ARID4B: variants seen among roughly 807,000 people sequenced by gnomAD.
ARID4B encodes the protein AT-rich interaction domain 4B, also known as AT-rich interactive domain-containing protein 4B.
In ARID4B, 26 loss-of-function variants were observed where a neutral mutation model predicts 147.5. That is an observed-to-expected ratio of 0.18 (90% CI 0.13 to 0.24). ARID4B has a LOEUF of 0.24. Among genes scored for constraint, ARID4B ranks in the 10% least tolerant of loss-of-function variants. The probability of loss-of-function intolerance (pLI) is 1.00; values close to 1 mark genes in which losing one functional copy is unlikely to be tolerated. For missense variants in ARID4B, 1,179 were observed against 1,511.5 expected (o/e 0.78, Z 3.65); for synonymous variants, 512 against 507.9 (o/e 1.01, Z -0.11).
chr1:235,170,935 C>CCA (rs922245669), intron 23 of ARID4B, among the ~76,000 whole-genome samples: 4 of 132,598 alleles, frequency 3.0e-5, no homozygotes, highest in Admixed American at 7.4e-5. Context: ...AAAAAAAAAA[C>CCA]CACACACACA....
chr1:235,179,875 C>G (rs1664176474), intron 20 of ARID4B, among the ~76,000 whole-genome samples: 1 of 151,798 alleles, frequency 6.6e-6, no homozygotes, highest in Admixed American at 6.6e-5. Flanking sequence ...TAGAGACCAT[C>G]CTGGCTAACA....
At position 235,168,376 on chromosome 1, in the gene ARID4B, T is replaced by C. The variant is rs1410976394; in HGVS notation, c.*149A>G. On this transcript the variant is annotated 3_prime_UTR_variant, in exon 24 of 24. Transcript: ENST00000264183. ...ATTGTACTTTTTCTTCATAAAAAAGTGCACTTAAGTGCCAAGTCAGCTTGT... is the reference window on the plus strand; with the variant it reads ...ATTGTACTTTTTCTTCATAAAAAAGCGCACTTAAGTGCCAAGTCAGCTTGT... The C allele has an allele frequency of 1.2e-6, 1 of 801,912 alleles. No individual in the cohort carries two copies. Among genetic ancestry groups the C allele is most frequent in the Admixed American group, 3.6e-5 (1 of 27,704 alleles). The allele number at this position is 801,912 out of a possible 1,614,324, so 49.7% of individuals were successfully genotyped here. A position where few individuals can be genotyped will look rare whatever the true frequency, so the allele number is the denominator to read the frequency against.
intron 23 of ARID4B, among the ~76,000 whole-genome samples, chr1:235,171,207 G>A (rs898650708): frequency 6.6e-6 from 1 of 152,018 alleles, no homozygotes; most frequent in African/African-American, 2.4e-5. Flanking sequence ...TGAAGCAGGC[G>A]GATCACGAAG....
At chr1:235,231,277 G>C in intron 9 of ARID4B, 88 bp from the exon 10 acceptor site, 1 of 672,994 alleles carries the variant, frequency 1.5e-6, no homozygotes. Flanking sequence ...ACATATCACA[G>C]AAAGATACTG....
chr1:235,171,009 A>G (rs139467367), intron 23 of ARID4B, among the ~76,000 whole-genome samples: 3 of 151,720 alleles, frequency 2.0e-5, no homozygotes, highest in African/African-American at 4.8e-5. Context: ...AGATTGTTCC[A>G]TATCAGTACA....
intron 2 of ARID4B, among the ~76,000 whole-genome samples, chr1:235,320,163 G>C (rs1299768566): frequency 2.6e-5 from 4 of 151,678 alleles, no homozygotes; most frequent in African/African-American, 9.7e-5. Flanking sequence ...AAATTAGCCA[G>C]GCGTGGTGGC....
At chr1:235,319,956 G>A (rs1290749733) in intron 2 of ARID4B, among the ~76,000 whole-genome samples, 6 of 151,866 alleles carry the variant, frequency 4.0e-5, no homozygotes, top group African/African-American at 1.2e-4. Context: ...GTGAAACCCC[G>A]TCTCTACTAA....
At chr1:235,171,883 C>A (rs1042844990) in intron 23 of ARID4B, among the ~76,000 whole-genome samples, 9 of 152,054 alleles carry the variant, frequency 5.9e-5, no homozygotes, top group African/African-American at 2.2e-4. Flanking sequence ...CTCAGGCAAT[C>A]CACCCACCGC....
chr1:235,264,587 G>A (rs1670485310), intron 2 of ARID4B, among the ~76,000 whole-genome samples: 1 of 152,188 alleles, frequency 6.6e-6, no homozygotes, highest in Admixed American at 6.5e-5. Context: ...AGCTTCAGCT[G>A]CCACATCAAA....
chr1:235,231,237 G>C, intron 9 of ARID4B, 48 bp from the exon 10 acceptor site: 1 of 972,132 alleles, frequency 1.0e-6, no homozygotes, highest in Non-Finnish European at 1.5e-6. Context: ...CCCAAAATAT[G>C]ACTGAGATTA....
intron 2 of ARID4B, 119 bp downstream of exon 2, chr1:235,326,795 A>C: frequency 7.5e-7 from 1 of 1,333,456 alleles, no homozygotes; most frequent in Non-Finnish European, 1.1e-6. Context: ...CTCGGTCACC[A>C]AGTCACCAAA....
chr1:235,177,615 GTTTT>G (rs754941124), intron 21 of ARID4B, 181 bp downstream of exon 21: 3 of 441,444 alleles, frequency 6.8e-6, no homozygotes, highest in Admixed American at 8.3e-5. Flanking sequence ...CCTAGTGCAT[GTTTT>G]TTTTTTGTCT....
At chr1:235,258,310 G>T (rs1223946689) in intron 3 of ARID4B, among the ~76,000 whole-genome samples, 1 of 151,978 alleles carries the variant, frequency 6.6e-6, no homozygotes, top group African/African-American at 2.4e-5. Context: ...CCAGCCTGGG[G>T]GACAGGGCAA....
At chr1:235,168,969 C>T (rs1337041925) in intron 23 of ARID4B, among the ~76,000 whole-genome samples, 2 of 152,164 alleles carry the variant, frequency 1.3e-5, no homozygotes, top group Admixed American at 6.5e-5. Flanking sequence ...CTTTTTGTAA[C>T]AGTGAAACAA....
intron 19 of ARID4B, among the ~76,000 whole-genome samples, chr1:235,188,508 G>A (rs993164318): frequency 6.6e-5 from 10 of 152,162 alleles, no homozygotes; most frequent in African/African-American, 2.4e-4. Flanking sequence ...CCCTTCTAGA[G>A]CTTTATTCTC....
chr1:235,212,420 T>G (rs920153316), intron 17 of ARID4B, among the ~76,000 whole-genome samples: 1 of 152,204 alleles, frequency 6.6e-6, no homozygotes, highest in African/African-American at 2.4e-5. Flanking sequence ...TGATTAGACA[T>G]AATAAAGAAT....
At chr1:235,209,048 G>A (rs1666519605) in intron 17 of ARID4B, among the ~76,000 whole-genome samples, 1 of 152,082 alleles carries the variant, frequency 6.6e-6, no homozygotes, top group African/African-American at 2.4e-5. Flanking sequence ...CAGTAAATGT[G>A]GTGTGAACAT....
intron 8 of ARID4B, among the ~76,000 whole-genome samples, chr1:235,236,833 AATAT>A (rs1553299956): frequency 0.016 from 520 of 33,384 alleles, 8 homozygotes; most frequent in Non-Finnish European, 0.019. Flanking sequence ...TTTTATAAAA[AATAT>A]ATATATATAT....
chr1:235,183,780 C>T (rs527522060), intron 19 of ARID4B, among the ~76,000 whole-genome samples: 33 of 144,390 alleles, frequency 2.3e-4, no homozygotes, highest in Admixed American at 1.9e-3. Context: ...TTTCCTTTCT[C>T]TTTCTTTATT....
Sources: allele counts gnomAD v4.1 joint callset (sites outside exome capture counted in the v4.1 genomes callset), GRCh38; gene constraint gnomAD v4.1.1; transcripts MANE v1.5; gene names NCBI Gene and HGNC (gene_info 2026-07-23, HGNC 2026-07-21).